Variants in AMZ2 observed in about 807,000 individuals in gnomAD.
AMZ2 encodes the protein archaelysin family metallopeptidase 2.
Under a neutral mutation model 36.7 loss-of-function variants are expected in AMZ2, and 26 were observed. The ratio of observed to expected loss-of-function variants is 0.71; its 90% confidence interval spans 0.52 to 0.98. AMZ2 has a LOEUF of 0.98. Among genes scored for constraint, AMZ2 ranks in the 50% least tolerant of loss-of-function variants. AMZ2 has a pLI of 0.00. For missense variants in AMZ2, 394 were observed against 430.5 expected (o/e 0.92, Z 0.75); for synonymous variants, 144 against 149.1 (o/e 0.97, Z 0.25).
At chr17:68,237,707 G>A (rs1244185080) in intron 1 of AMZ2, among the ~76,000 whole-genome samples, 5 of 152,136 alleles carry the variant, frequency 3.3e-5, no homozygotes, top group Admixed American at 6.5e-5. Context: ...CAGCTTTTGG[G>A]AAAAAAGCCT....
At chr17:68,217,872 A>T (rs2073240490) in intron 1 of AMZ2, among the ~76,000 whole-genome samples, 1 of 146,640 alleles carries the variant, frequency 6.8e-6, no homozygotes, top group Admixed American at 6.9e-5. Flanking sequence ...GAGTACAGTG[A>T]CGTGATCTCA....
chr17:68,238,016 T>A (rs1349844127), intron 1 of AMZ2, among the ~76,000 whole-genome samples: 3 of 151,894 alleles, frequency 2.0e-5, no homozygotes, highest in African/African-American at 7.3e-5. Context: ...ATTCAGACCA[T>A]CTCCTCCATC....
rs118095633 is a variant in AMZ2 at position 68,248,080 on chromosome 17, G to A, written c.-626G>A. ...CGCGGTGCGCATGCGCGTGAGGGCT[G>A]CCGCGGGTGGGTGGTATCGAGGCCT... On this transcript the variant is annotated 5_prime_UTR_variant, in exon 1 of 7. Coordinates refer to ENST00000359904, the MANE Select transcript of AMZ2 (RefSeq NM_016627.5). 3.0e-6 allele frequency: 3 copies of A among 986,150 alleles called. No homozygotes were observed. Among genetic ancestry groups the A allele is most frequent in the South Asian group, 4.7e-5 (1 of 21,360 alleles). 61.1% of individuals were successfully genotyped at this position (986,150 alleles called of 1,614,324 possible).
At chr17:68,243,410 C>T (rs1325495860), upstream of AMZ2, among the ~76,000 whole-genome samples, 1 of 152,178 alleles carries the variant, frequency 6.6e-6, no homozygotes, top group Admixed American at 6.5e-5. Context: ...GCTGGGATTA[C>T]AGGCATGAGC....
chr17:68,230,629 C>G (rs1360214347), intron 1 of AMZ2, among the ~76,000 whole-genome samples: 1 of 152,246 alleles, frequency 6.6e-6, no homozygotes, highest in African/African-American at 2.4e-5. Context: ...TTCTATCCCA[C>G]AGCCCCTTTC....
At chr17:68,256,349 A>G (rs1273838075) in intron 6 of AMZ2, among the ~76,000 whole-genome samples, 3 of 152,222 alleles carry the variant, frequency 2.0e-5, no homozygotes, top group Non-Finnish European at 2.9e-5. Flanking sequence ...ACAAACATCA[A>G]TATACATTCA....
intron 1 of AMZ2, among the ~76,000 whole-genome samples, chr17:68,228,274 C>G (rs2073567834): frequency 6.6e-6 from 1 of 152,156 alleles, no homozygotes; most frequent in African/African-American, 2.4e-5. Context: ...ACATCAGTCA[C>G]CAAATCTCAG....
chr17:68,247,914 C>T (rs1187046417), upstream of AMZ2: 4 of 985,540 alleles, frequency 4.1e-6, no homozygotes, highest in East Asian at 1.1e-4. Flanking sequence ...TGCGCCTGCC[C>T]AGGCGGCCGC....
At chr17:68,209,628 A>ATTTTTTTTTTTTTTTTTT (rs1322446681) in intron 1 of AMZ2, among the ~76,000 whole-genome samples, 1 of 98,530 alleles carries the variant, frequency 1.0e-5, no homozygotes, top group African/African-American at 5.0e-5. Flanking sequence ...ATATATATAT[A>ATTTTTTTTTTTTTTTTTT]TATATTTTTT....
At chr17:68,214,495 T>C (rs1253472554) in intron 1 of AMZ2, among the ~76,000 whole-genome samples, 3 of 152,198 alleles carry the variant, frequency 2.0e-5, no homozygotes, top group Non-Finnish European at 4.4e-5. Flanking sequence ...CTGAGCGTGG[T>C]TTCTCCCAGT....
chr17:68,250,710 A>G (rs1423228760), intron 2 of AMZ2, 84 bp from the exon 3 acceptor site: 1 of 1,346,604 alleles, frequency 7.4e-7, no homozygotes, highest in Non-Finnish European at 1.0e-6. Flanking sequence ...TTTTGTTTCT[A>G]ATTTGAATCT....
upstream of AMZ2, among the ~76,000 whole-genome samples, chr17:68,246,060 C>T (rs529439410): frequency 1.3e-5 from 2 of 152,162 alleles, no homozygotes; most frequent in Non-Finnish European, 2.9e-5. Flanking sequence ...AATCCCTGCA[C>T]TTTGGGAGGC....
chr17:68,238,413 C>T (rs138818273), intron 1 of AMZ2, among the ~76,000 whole-genome samples: 130 of 152,180 alleles, frequency 8.5e-4, no homozygotes, highest in African/African-American at 3.0e-3. Context: ...TTCCTAAATG[C>T]TATGTGGTAT....
At chr17:68,252,584 A>G (rs1471941995) in intron 4 of AMZ2, among the ~76,000 whole-genome samples, 5 of 152,036 alleles carry the variant, frequency 3.3e-5, no homozygotes, top group African/African-American at 9.7e-5. Context: ...GCTCACTGCA[A>G]CCTCAACCTC....
At chr17:68,210,961 G>C (rs868945419) in intron 1 of AMZ2, among the ~76,000 whole-genome samples, 26 of 145,282 alleles carry the variant, frequency 1.8e-4, no homozygotes, top group South Asian at 2.3e-4. Context: ...AAAAAAAGGG[G>C]GGGGGGGAGG....
At chr17:68,250,539 C>G in intron 2 of AMZ2, 69 bp downstream of exon 2, 2 of 1,548,008 alleles carry the variant, frequency 1.3e-6, no homozygotes, top group Non-Finnish European at 1.7e-6. Context: ...ATAGTCCAGG[C>G]TATGGGTCTG....
At chr17:68,256,648 C>T (rs1442256981) in intron 6 of AMZ2, among the ~76,000 whole-genome samples, 166 bp from the exon 7 acceptor site, 4 of 152,190 alleles carry the variant, frequency 2.6e-5, no homozygotes, top group African/African-American at 7.2e-5. Context: ...CGTGCCATTT[C>T]ACTCAGTATA....
At chr17:68,209,094 G>A (rs2072934741) in intron 1 of AMZ2, among the ~76,000 whole-genome samples, 2 of 152,280 alleles carry the variant, frequency 1.3e-5, no homozygotes, top group African/African-American at 4.8e-5. Flanking sequence ...GACTTGTCCG[G>A]GGAGGCTGTA....
chr17:68,242,406 A>G (rs112242733), intron 1 of AMZ2, among the ~76,000 whole-genome samples: 6 of 152,224 alleles, frequency 3.9e-5, no homozygotes, highest in African/African-American at 1.4e-4. Context: ...AAACCACCAA[A>G]TATCTCATTA....
Sources: gnomAD v4.1 joint callset for allele counts (sites outside exome capture counted in the v4.1 genomes callset) on GRCh38, gnomAD v4.1.1 for gene constraint, MANE v1.5 for transcripts, NCBI Gene and HGNC (gene_info 2026-07-23, HGNC 2026-07-21) for gene names.